EMC4: variants seen among roughly 807,000 people sequenced by gnomAD.
EMC4 encodes ER membrane protein complex subunit 4, also known as cell proliferation-inducing gene 17 protein.
In EMC4, 9 loss-of-function variants were observed where a neutral mutation model predicts 24.2. The observed-to-expected ratio is 0.37, with a 90% CI of 0.22 to 0.65. The LOEUF (loss-of-function observed/expected upper bound fraction) is 0.65, where lower values mean the gene tolerates loss of function less well. EMC4 is among the 30% of genes least tolerant of loss of function. EMC4 has a pLI of 0.59. For missense variants in EMC4, 169 were observed against 234.6 expected (o/e 0.72, Z 1.83); for synonymous variants, 86 against 81.1 (o/e 1.06, Z -0.32).
At position 34,225,148 on chromosome 15, in the gene EMC4, GGC is replaced by G; in HGVS notation, c.35_36del (p.Gly12AlafsTer8). On this transcript the variant is annotated frameshift_variant, in exon 1 of 5. Transcript: ENST00000267750. LOFTEE classifies it high-confidence loss of function. Reference protein sequence around the residue: ...TAQGGLVANRGRRFKWAIELS... With the variant: ...TAQGGLVANRXRRFKWAIELS... ...CCAGGGGGGCCTGGTGGCTAACCGA[GGC>G]CGGCGCTTCAAGTGGGCCATTGAGC... The G allele has an allele frequency of 1.3e-6, 2 of 1,551,670 alleles. No homozygotes were observed. Among genetic ancestry groups the G allele is most frequent in the Non-Finnish European group, 1.7e-6 (2 of 1,146,976 alleles).
At chr15:34,228,667 G>A (rs760204299) in intron 4 of EMC4, 78 bp downstream of exon 4, 191 of 968,590 alleles carry the variant, frequency 2.0e-4, no homozygotes, top group Middle Eastern at 5.7e-4. Flanking sequence ...GTAGGAAATT[G>A]GAGTTGGTAT....
At position 34,229,766 on chromosome 15, in the gene EMC4, G is replaced by A; in HGVS notation, c.530G>A (p.Ser177Asn). 1.3e-6 allele frequency: 2 copies of A among 1,596,594 alleles called. No individual in the cohort carries two copies. Among genetic ancestry groups the A allele is most frequent in the Non-Finnish European group, 1.7e-6 (2 of 1,169,910 alleles). ...TTCTTCTTTCAGAGAATGGAGTTCA[G>A]TGGTGGAGGACTGCTTTTGTGAACA... is the stretch of plus-strand genomic sequence containing the variant. ...FIEPPERMEFSGGGLLL is the reference protein window; with the variant it reads ...FIEPPERMEFNGGGLLL The change falls in exon 5 of 5, where the codon AGT becomes AAT. Residue 177 changes from serine (S) to asparagine (N), a missense_variant. Transcript: ENST00000267750.
chr15:34,228,764 A>G, intron 4 of EMC4, 175 bp downstream of exon 4: 1 of 468,454 alleles, frequency 2.1e-6, no homozygotes, highest in Non-Finnish European at 3.6e-6. Context: ...TGATCTCGGC[A>G]ACCTCCGCCT....
At position 34,228,607 on chromosome 15, in the gene EMC4, C is replaced by G. The variant is rs752303786; in HGVS notation, c.516+18C>G. Reference sequence around the variant, plus strand: ...CCCCTGAGGTAAGGCAAAAGAAAAGCTGAATTTTGGGTAGTTGTAGTATAC... The same window carrying G: ...CCCCTGAGGTAAGGCAAAAGAAAAGGTGAATTTTGGGTAGTTGTAGTATAC... On this transcript the variant is annotated intron_variant, in intron 4 of 4. Transcript: ENST00000267750. The G allele has an allele frequency of 1.9e-6, 3 of 1,602,070 alleles. No individual in the cohort carries two copies. Among genetic ancestry groups the G allele is most frequent in the South Asian group, 1.1e-5 (1 of 89,508 alleles).
intron 4 of EMC4, 119 bp from the exon 5 acceptor site, chr15:34,229,634 G>T: frequency 2.9e-6 from 2 of 681,978 alleles, no homozygotes; most frequent in Non-Finnish European, 5.2e-6. Context: ...TGGCCTGGAA[G>T]TTCTTTTTTA....
chr15:34,228,122 G>A, intron 3 of EMC4: 1 of 452,572 alleles, frequency 2.2e-6, no homozygotes, highest in East Asian at 4.1e-5. Flanking sequence ...GGCAGAGGTT[G>A]CAGTGAGCCG....
In EMC4 at chr15:34,227,702, G is replaced by GAC; in HGVS notation, c.213_214dup (p.Ile72ThrfsTer12). 3.7e-6 allele frequency: 6 copies of GAC among 1,613,830 alleles called. No individual in the cohort carries two copies. Among genetic ancestry groups the GAC allele is most frequent in the Non-Finnish European group, 5.1e-6 (6 of 1,179,772 alleles). On this transcript the variant is annotated frameshift_variant, in exon 3 of 5. Transcript: ENST00000267750. LOFTEE classifies it high-confidence loss of function. ...GTGTGTTTTGTTTTAGCGCTGCTGG[G>GAC]ACATCGCCTTGGGTCCCCTCAAACA...
chr15:34,225,210 C>G lies in EMC4; in HGVS notation c.86+10C>G, dbSNP rs1273445238. The G allele has an allele frequency of 6.5e-7, 1 of 1,544,822 alleles. No homozygotes were observed. Among genetic ancestry groups the G allele is most frequent in the East Asian group, 2.4e-5 (1 of 40,888 alleles). On this transcript the variant is annotated intron_variant, in intron 1 of 4. Transcript: ENST00000267750. ...CTGGAGGAGGCAGCAGGTGAGGCAC[C>G]TGGGCAAGCTGTACATCACTGTTCA...
intron 2 of EMC4, 47 bp downstream of exon 2, chr15:34,225,697 T>G: frequency 7.2e-7 from 1 of 1,381,680 alleles, no homozygotes; most frequent in Non-Finnish European, 1.0e-6. Context: ...AGTCCTGAGT[T>G]ACACACTCAT....
chr15:34,225,674 T>C (rs1890632542), intron 2 of EMC4, 24 bp downstream of exon 2: 1 of 1,568,574 alleles, frequency 6.4e-7, no homozygotes, highest in Non-Finnish European at 8.8e-7. Context: ...GATGTTACCG[T>C]AGCCCATGGG....
At chr15:34,226,039 T>G in intron 2 of EMC4, 4 of 349,678 alleles carry the variant, frequency 1.1e-5, no homozygotes, top group Non-Finnish European at 2.3e-5. Context: ...TCATCTAGAT[T>G]TCTGCAGTAG....
At chr15:34,226,080 CAG>C (rs1374614079) in intron 2 of EMC4, 3 of 339,856 alleles carry the variant, frequency 8.8e-6, no homozygotes, top group Non-Finnish European at 1.7e-5. Context: ...TTAGTACAGA[CAG>C]GGTATCACCA....
In EMC4 at chr15:34,225,708, C is replaced by T. The variant is rs200947603; in HGVS notation, c.201+58C>T. The T allele has an allele frequency of 2.3e-6, 3 of 1,291,722 alleles. No homozygotes were observed. The South Asian group carries it at 3.5e-5, about 15-fold the overall frequency. The allele number at this position is 1,291,722 out of a possible 1,614,324, so 80.0% of individuals were successfully genotyped here. ...GGCCAGTCCTGAGTTACACACTCAT[C>T]CTCTTCTCCTAGGTGGAGTTAACGT... is the stretch of plus-strand genomic sequence containing the variant. On this transcript the variant is annotated intron_variant, in intron 2 of 4. Transcript: ENST00000267750.
intron 1 of EMC4, 158 bp from the exon 2 acceptor site, chr15:34,225,378 C>A (rs1890622273): frequency 2.5e-6 from 2 of 793,018 alleles, no homozygotes; most frequent in Admixed American, 5.3e-5. Flanking sequence ...TACATCAGTC[C>A]TCCTGATAAG....
chr15:34,227,128 A>G (rs944005032), intron 2 of EMC4: 8 of 152,172 alleles, frequency 5.3e-5, no homozygotes, highest in African/African-American at 1.9e-4. Context: ...TGAGATTGAC[A>G]TTTTCTTCAT....
At chr15:34,225,722 T>C (rs771908503) in intron 2 of EMC4, 72 bp downstream of exon 2, 2 of 1,195,996 alleles carry the variant, frequency 1.7e-6, no homozygotes, top group Non-Finnish European at 2.5e-6. Context: ...TTCTCCTAGG[T>C]GGAGTTAACG....
chr15:34,227,655 T>C, intron 2 of EMC4, 38 bp from the exon 3 acceptor site: 1 of 1,599,356 alleles, frequency 6.3e-7, no homozygotes, highest in Non-Finnish European at 8.6e-7. Flanking sequence ...GGACTAAGGG[T>C]AGTGATCAGA....
intron 2 of EMC4, 81 bp downstream of exon 2, chr15:34,225,731 C>T (rs894602001): frequency 6.6e-6 from 7 of 1,059,002 alleles, no homozygotes; most frequent in African/African-American, 4.7e-5. Context: ...GTGGAGTTAA[C>T]GTAGATAGCT....
At chr15:34,226,066 A>AT (rs1367669148) in intron 2 of EMC4, 61 of 349,302 alleles carry the variant, frequency 1.7e-4, no homozygotes, top group Non-Finnish European at 3.4e-4. Context: ...TAATTTTTGT[A>AT]TTTTTAGTAC....
Sources: allele counts gnomAD v4.1 joint callset, GRCh38; gene constraint gnomAD v4.1.1; transcripts MANE v1.5; gene names NCBI Gene and HGNC (gene_info 2026-07-23, HGNC 2026-07-21).